DAB1: variants seen among roughly 807,000 people sequenced by gnomAD.
DAB1 encodes the protein disabled homolog 1.
In DAB1, 15 loss-of-function variants were observed where a neutral mutation model predicts 64.6. The observed-to-expected ratio is 0.23, with a 90% CI of 0.16 to 0.36. The LOEUF is 0.36. Ranked by LOEUF, DAB1 falls within the 10% of genes least tolerant of loss-of-function variation. DAB1 has a pLI of 1.00. For missense variants in DAB1, 596 were observed against 706.7 expected (o/e 0.84, Z 1.78); for synonymous variants, 235 against 251.9 (o/e 0.93, Z 0.64).
At chr1:58,035,325 G>A (rs563368541) in intron 5 of DAB1, among the ~76,000 whole-genome samples, 10 of 152,324 alleles carry the variant, frequency 6.6e-5, no homozygotes, top group South Asian at 2.1e-4. Flanking sequence ...CCTTAATTGC[G>A]GAATCACAAG....
intron 6 of DAB1, among the ~76,000 whole-genome samples, chr1:57,700,608 A>C (rs966237859): frequency 2.6e-5 from 4 of 152,122 alleles, no homozygotes; most frequent in Admixed American, 2.6e-4. Context: ...TTCTGCTTTT[A>C]GTATCTTCTC....
At chr1:57,098,403 G>A (rs1301518623) in intron 4 of DAB1, among the ~76,000 whole-genome samples, 2 of 152,140 alleles carry the variant, frequency 1.3e-5, no homozygotes, top group African/African-American at 2.4e-5. Context: ...ACTCATAAGG[G>A]TTCAGGTAGA....
At chr1:57,077,247 A>G (rs1398062207) in intron 4 of DAB1, among the ~76,000 whole-genome samples, 6 of 152,210 alleles carry the variant, frequency 3.9e-5, no homozygotes, top group African/African-American at 1.4e-4. Flanking sequence ...TGTGGAGAAC[A>G]TCTATGCACA....
chr1:58,447,148 G>A (rs1645076729), intron 3 of DAB1, among the ~76,000 whole-genome samples: 2 of 152,296 alleles, frequency 1.3e-5, no homozygotes, highest in East Asian at 3.9e-4. Flanking sequence ...CACAAGTAAT[G>A]ACTAATCAGT....
intron 2 of DAB1, among the ~76,000 whole-genome samples, chr1:57,207,869 AAGGCTC>A (rs1406826727): frequency 6.6e-6 from 1 of 152,178 alleles, no homozygotes; most frequent in Admixed American, 6.5e-5. Context: ...AAGTTTAATA[AAGGCTC>A]AGTTCAAAAC....
intron 3 of DAB1, among the ~76,000 whole-genome samples, chr1:58,413,047 C>T (rs1222181482): frequency 2.0e-5 from 3 of 152,158 alleles, no homozygotes; most frequent in African/African-American, 4.8e-5. Flanking sequence ...ATGATCTATT[C>T]GGCAAGCTGG....
At chr1:58,054,443 C>A (rs1169639039) in intron 5 of DAB1, among the ~76,000 whole-genome samples, 1 of 152,198 alleles carries the variant, frequency 6.6e-6, no homozygotes, top group African/African-American at 2.4e-5. Context: ...ATGGGGACAA[C>A]AGATACTCTA....
At chr1:58,509,121 T>C (rs1352063302) in intron 2 of DAB1, among the ~76,000 whole-genome samples, 1 of 152,126 alleles carries the variant, frequency 6.6e-6, no homozygotes, top group Non-Finnish European at 1.5e-5. Flanking sequence ...GAGGTTGCTG[T>C]TTTTTCCTAA....
intron 5 of DAB1, among the ~76,000 whole-genome samples, chr1:58,058,241 C>T (rs1035363532): frequency 2.0e-5 from 3 of 152,102 alleles, no homozygotes; most frequent in African/African-American, 7.2e-5. Context: ...AACTCATGTA[C>T]ACCAACTTGC....
chr1:57,879,933 C>T (rs796501274), intron 1 of DAB1, among the ~76,000 whole-genome samples: 15 of 152,268 alleles, frequency 9.9e-5, no homozygotes, highest in African/African-American at 3.6e-4. Flanking sequence ...TGGAGTTTCC[C>T]AACACAGTCA....
chr1:57,733,422 C>T (rs1354031504), intron 6 of DAB1, among the ~76,000 whole-genome samples: 1 of 152,034 alleles, frequency 6.6e-6, no homozygotes, highest in Non-Finnish European at 1.5e-5. Context: ...TTCTGACATG[C>T]TGTAGGCCCT....
chr1:58,087,137 C>A (rs1016492489), intron 5 of DAB1, among the ~76,000 whole-genome samples: 1 of 152,142 alleles, frequency 6.6e-6, no homozygotes, highest in Non-Finnish European at 1.5e-5. Context: ...ACAATAATAA[C>A]CCCTGTATAG....
At chr1:57,461,296 G>A (rs1179608687) in intron 7 of DAB1, among the ~76,000 whole-genome samples, 1 of 152,182 alleles carries the variant, frequency 6.6e-6, no homozygotes, top group Non-Finnish European at 1.5e-5. Flanking sequence ...CACTTCAGAA[G>A]ATACAAACAT....
intron 6 of DAB1, among the ~76,000 whole-genome samples, chr1:57,687,390 C>A (rs1403059621): frequency 1.3e-5 from 2 of 151,762 alleles, no homozygotes; most frequent in Admixed American, 1.3e-4. Context: ...AAATCAGAGA[C>A]AACACAAATA....
intron 7 of DAB1, among the ~76,000 whole-genome samples, chr1:57,593,294 A>G (rs1455830221): frequency 1.3e-5 from 2 of 152,204 alleles, no homozygotes; most frequent in African/African-American, 4.8e-5. Context: ...TTCACTTGGC[A>G]TAATGTCAAG....
Position 57,087,380 on chromosome 1 carries a change from C to T in DAB1, c.307-14966G>A, listed in dbSNP as rs547563494. Among the ~76,000 whole-genome samples the T allele has an allele frequency of 4.6e-5, 7 of 152,306 alleles. No homozygotes were observed. The South Asian group carries it at 1.0e-3, about 23-fold the overall frequency. On this transcript the variant is annotated intron_variant, in intron 4 of 14. Transcript: ENST00000371236. Reference sequence around the variant, plus strand: ...CAGGATGCCGGGAAGAGAAAACGTTCGGGCTAATTCACAAGAAATAAGGAG... The same window carrying T: ...CAGGATGCCGGGAAGAGAAAACGTTTGGGCTAATTCACAAGAAATAAGGAG...
chr1:58,388,064 A>G (rs1453423465), intron 3 of DAB1, among the ~76,000 whole-genome samples: 1 of 152,178 alleles, frequency 6.6e-6, no homozygotes, highest in African/African-American at 2.4e-5. Flanking sequence ...TCTTTTAGAA[A>G]GAAGCTTTCT....
At chr1:58,404,068 T>C (rs573320605) in intron 3 of DAB1, among the ~76,000 whole-genome samples, 36 of 152,342 alleles carry the variant, frequency 2.4e-4, no homozygotes, top group Non-Finnish European at 2.1e-4. Flanking sequence ...GAGGTAGAAC[T>C]AGAGCCAAGT....
chr1:58,300,263 G>A (rs375177990), intron 4 of DAB1, among the ~76,000 whole-genome samples: 49 of 152,056 alleles, frequency 3.2e-4, no homozygotes, highest in African/African-American at 1.1e-3. Context: ...GAAAACGCAA[G>A]GGCTGGGAGC....
Sources: allele counts gnomAD v4.1 joint callset (sites outside exome capture counted in the v4.1 genomes callset), GRCh38; gene constraint gnomAD v4.1.1; transcripts MANE v1.5; gene names NCBI Gene and HGNC (gene_info 2026-07-23, HGNC 2026-07-21).